CLIC6: variants seen among roughly 807,000 people sequenced by gnomAD.
The protein encoded by CLIC6 is chloride intracellular channel protein 6.
Under a neutral mutation model 49.2 loss-of-function variants are expected in CLIC6, and 39 were observed. That is an observed-to-expected ratio of 0.79 (90% CI 0.61 to 1.04). CLIC6 has a LOEUF of 1.04. Ranked by LOEUF, CLIC6 falls within the 50% of genes least tolerant of loss-of-function variation. The pLI is 0.00. For missense variants in CLIC6, 988 were observed against 993.1 expected, an observed-to-expected ratio of 0.99 and a Z score of 0.07; for synonymous variants, 446 against 433.4, an observed-to-expected ratio of 1.03 and a Z score of -0.36.
In CLIC6 at chr21:34,716,627, G is replaced by A; in HGVS notation, c.*145G>A. 1.8e-6 allele frequency: 1 copy of A among 541,650 alleles called. No homozygotes were observed. The highest frequency in any genetic ancestry group is 3.3e-5 in the South Asian group (1 of 30,586). 33.6% of individuals were successfully genotyped at this position (541,650 alleles called of 1,614,324 possible). A position where few individuals can be genotyped will look rare whatever the true frequency, so the allele number is the denominator to read the frequency against. ...GAGTTTTTTAAATCATTGAGAGCCT[G>A]TTTTTCTTCTCTAAAACATTAGTTT... On this transcript the variant is annotated 3_prime_UTR_variant, in exon 6 of 6. Coordinates refer to ENST00000349499, the MANE Select transcript of CLIC6 (RefSeq NM_053277.3).
intron 1 of CLIC6, among the ~76,000 whole-genome samples, chr21:34,699,115 T>G (rs892614251): frequency 1.3e-5 from 2 of 152,218 alleles, no homozygotes; most frequent in African/African-American, 4.8e-5. Flanking sequence ...GTTTCCTTGT[T>G]TATAAAATGG....
At chr21:34,713,150 G>C (rs200545337) in intron 5 of CLIC6, among the ~76,000 whole-genome samples, 1 of 152,112 alleles carries the variant, frequency 6.6e-6, no homozygotes, top group Non-Finnish European at 1.5e-5. Context: ...AGAAGGGGGT[G>C]GGGGGAGGAA....
At chr21:34,704,300 C>T (rs1273459995) in intron 1 of CLIC6, among the ~76,000 whole-genome samples, 1 of 152,068 alleles carries the variant, frequency 6.6e-6, no homozygotes, top group Non-Finnish European at 1.5e-5. Context: ...ACATCCAGGC[C>T]CTGAAGCACA....
At chr21:34,695,530 C>A (rs1453614668) in intron 1 of CLIC6, among the ~76,000 whole-genome samples, 1 of 152,232 alleles carries the variant, frequency 6.6e-6, no homozygotes, top group Non-Finnish European at 1.5e-5. Context: ...CTCTCACATT[C>A]TGTCATGGTC....
In CLIC6 at chr21:34,669,421, CCCG is replaced by C. The variant is rs1989479096; in HGVS notation, c.34_36del (p.Pro12del). 18 of 1,235,330 alleles carry C rather than the reference CCCG, an allele frequency of 1.5e-5. No homozygotes were observed. The highest frequency in any genetic ancestry group is 1.6e-5 in the Non-Finnish European group (16 of 990,224). 76.5% of individuals were successfully genotyped at this position (1,235,330 alleles called of 1,614,324 possible). On this transcript the variant is annotated inframe_deletion, in exon 1 of 6. Transcript: ENST00000349499. ...AGGCCGCGGAGCCGGAGGGGGTTGC[CCCG>C]GGTCCCCAGGGGCCGCCGGAGGTCC...
intron 5 of CLIC6, 123 bp from the exon 6 acceptor site, chr21:34,716,198 C>A: frequency 1.2e-6 from 1 of 821,486 alleles, no homozygotes; most frequent in East Asian, 2.5e-5. Flanking sequence ...GCCCGGATGA[C>A]TGTGGGATGA....
intron 1 of CLIC6, among the ~76,000 whole-genome samples, chr21:34,680,255 C>T (rs1363932828): frequency 1.3e-5 from 2 of 152,256 alleles, no homozygotes; most frequent in East Asian, 3.8e-4. Flanking sequence ...CCCTCTGAAG[C>T]AATGGCCTGA....
intron 1 of CLIC6, among the ~76,000 whole-genome samples, chr21:34,678,354 A>G (rs2145798987): frequency 6.6e-6 from 1 of 152,046 alleles, no homozygotes; most frequent in African/African-American, 2.4e-5. Context: ...AGGCAGGAGA[A>G]TGGCGTGAAC....
At position 34,708,796 on chromosome 21, in the gene CLIC6, T is replaced by C; in HGVS notation, c.1707T>C (p.Asp569=). 2.5e-6 allele frequency: 4 copies of C among 1,611,992 alleles called. No homozygotes were observed. The highest frequency in any genetic ancestry group is 3.4e-6 in the Non-Finnish European group (4 of 1,178,072). ...FSAFIKNTKK[D]ANEIHEKNLL... ...CGTTTATAAAAAACACGAAGAAGGATGCAAATGAGAGTGAGTACCTCCCAT... is the reference window on the plus strand; with the variant it reads ...CGTTTATAAAAAACACGAAGAAGGACGCAAATGAGAGTGAGTACCTCCCAT... The change falls in exon 4 of 6, where the codon GAT becomes GAC. Residue 569 remains aspartate, a synonymous_variant. Coordinates refer to ENST00000349499, the MANE Select transcript of CLIC6 (RefSeq NM_053277.3).
intron 5 of CLIC6, among the ~76,000 whole-genome samples, chr21:34,710,976 C>A (rs531315259): frequency 4.8e-4 from 73 of 152,314 alleles, no homozygotes; most frequent in African/African-American, 1.7e-3. Flanking sequence ...TGTCTCTCAG[C>A]ACAGCAGCGC....
At chr21:34,700,165 C>T (rs540571061) in intron 1 of CLIC6, among the ~76,000 whole-genome samples, 50 of 152,114 alleles carry the variant, frequency 3.3e-4, no homozygotes, top group Non-Finnish European at 5.3e-4. Flanking sequence ...TCCGTGTTTG[C>T]AGCTTGATTT....
At position 34,670,603 on chromosome 21, in the gene CLIC6, C is replaced by A. The variant is rs753821931; in HGVS notation, c.1215C>A (p.Gly405=). ...DSSPHGEASR[G]AAEPEAQLSN... The stretch of plus-strand genomic sequence containing the variant: ...GCCCACATGGGGAGGCCTCCAGGGG[C>A]GCCGCGGAGCCTGAGGCCCAGCTCA... The change falls in exon 1 of 6, where the codon GGC becomes GGA. Residue 405 remains glycine, a synonymous_variant. Coordinates refer to ENST00000349499, the MANE Select transcript of CLIC6 (RefSeq NM_053277.3). The A allele has an allele frequency of 5.1e-5, 79 of 1,538,408 alleles. No homozygotes were observed. In the East Asian group the frequency reaches 1.8e-3, roughly 35 times the overall value.
At chr21:34,691,543 T>C (rs1989994053) in intron 1 of CLIC6, among the ~76,000 whole-genome samples, 1 of 135,484 alleles carries the variant, frequency 7.4e-6, no homozygotes, top group African/African-American at 3.1e-5. Flanking sequence ...TTTCAATCTC[T>C]GTGGCCAGGA....
intron 1 of CLIC6, among the ~76,000 whole-genome samples, chr21:34,696,367 A>G (rs908399140): frequency 6.6e-6 from 1 of 152,212 alleles, no homozygotes; most frequent in Admixed American, 6.5e-5. Context: ...TCTTATCACC[A>G]TGGATTCCAA....
At chr21:34,715,032 T>C (rs2056078501) in intron 5 of CLIC6, among the ~76,000 whole-genome samples, 1 of 152,250 alleles carries the variant, frequency 6.6e-6, no homozygotes, top group Admixed American at 6.5e-5. Context: ...CTGAAAATTA[T>C]ATGGTCCTTC....
chr21:34,671,603 A>G (rs561376411), intron 1 of CLIC6, among the ~76,000 whole-genome samples: 2 of 152,230 alleles, frequency 1.3e-5, no homozygotes, highest in Non-Finnish European at 2.9e-5. Context: ...AGTTCACACC[A>G]GGATCTTTGT....
intron 1 of CLIC6, among the ~76,000 whole-genome samples, chr21:34,681,071 A>G (rs755110731): frequency 6.6e-6 from 1 of 152,252 alleles, no homozygotes; most frequent in Non-Finnish European, 1.5e-5. Context: ...ACTGCAATAA[A>G]GAACTGCCTG....
chr21:34,706,554 C>T (rs1398040314), intron 1 of CLIC6, among the ~76,000 whole-genome samples: 2 of 152,202 alleles, frequency 1.3e-5, no homozygotes, highest in African/African-American at 4.8e-5. Flanking sequence ...CATAGAACAA[C>T]ATTGCCACCA....
chr21:34,676,089 T>G (rs538988443), intron 1 of CLIC6, among the ~76,000 whole-genome samples: 2 of 152,234 alleles, frequency 1.3e-5, no homozygotes, highest in Non-Finnish European at 2.9e-5. Flanking sequence ...GTTTCCTTTG[T>G]GTCCTTGGTT....
Sources: allele counts gnomAD v4.1 joint callset (sites outside exome capture counted in the v4.1 genomes callset), GRCh38; gene constraint gnomAD v4.1.1; transcripts MANE v1.5; gene names NCBI Gene and HGNC (gene_info 2026-07-23, HGNC 2026-07-21).